TAFA1: variants seen among roughly 807,000 people sequenced by gnomAD.
TAFA1 encodes the protein TAFA chemokine like family member 1.
A neutral mutation model predicts 18.5 loss-of-function variants in TAFA1; 4 were observed. That is an observed-to-expected ratio of 0.22 (90% CI 0.11 to 0.49). TAFA1 has a LOEUF of 0.49. Among genes scored for constraint, TAFA1 ranks in the 20% least tolerant of loss-of-function variants. The probability of loss-of-function intolerance (pLI) is 0.98; values close to 1 mark genes in which losing one functional copy is unlikely to be tolerated. For missense variants in TAFA1, 147 were observed against 169.0 expected (o/e 0.87, Z 0.72); for synonymous variants, 56 against 55.2 (o/e 1.01, Z -0.06).
intron 2 of TAFA1, among the ~76,000 whole-genome samples, chr3:68,115,640 G>A (rs957162734): frequency 1.2e-4 from 18 of 152,244 alleles, no homozygotes; most frequent in African/African-American, 4.3e-4. Flanking sequence ...CTCCCTGAAC[G>A]GTCAGTCATG....
intron 2 of TAFA1, among the ~76,000 whole-genome samples, chr3:68,392,895 G>C (rs1490252284): frequency 6.6e-6 from 1 of 152,106 alleles, no homozygotes; most frequent in Non-Finnish European, 1.5e-5. Flanking sequence ...ATGTCCACAT[G>C]AGAAAGTGGG....
chr3:68,041,576 A>G (rs1161901019), intron 2 of TAFA1, among the ~76,000 whole-genome samples: 3 of 152,064 alleles, frequency 2.0e-5, no homozygotes, highest in Non-Finnish European at 4.4e-5. Flanking sequence ...TACTTTGCTC[A>G]TTTTTTCCAT....
chr3:68,047,712 A>G (rs925907749), intron 2 of TAFA1, among the ~76,000 whole-genome samples: 1 of 152,124 alleles, frequency 6.6e-6, no homozygotes, highest in Non-Finnish European at 1.5e-5. Flanking sequence ...GAGCACAACA[A>G]CCTGACCTGA....
intron 2 of TAFA1, among the ~76,000 whole-genome samples, chr3:68,100,499 G>T (rs2106816098): frequency 6.6e-6 from 1 of 152,076 alleles, no homozygotes; most frequent in East Asian, 1.9e-4. Flanking sequence ...CCACCAGATT[G>T]GTCTTTTGCT....
chr3:68,139,707 T>C (rs771215960), intron 2 of TAFA1, among the ~76,000 whole-genome samples: 11 of 152,206 alleles, frequency 7.2e-5, no homozygotes, highest in Non-Finnish European at 1.5e-4. Context: ...AGCTTTAGTT[T>C]TTGCATTTTG....
At chr3:68,437,661 G>A (rs1169236263) in intron 3 of TAFA1, among the ~76,000 whole-genome samples, 1 of 151,974 alleles carries the variant, frequency 6.6e-6, no homozygotes, top group African/African-American at 2.4e-5. Flanking sequence ...CATTCATTAA[G>A]AAATGAATTC....
At chr3:68,533,110 T>C (rs963350690) in intron 3 of TAFA1, among the ~76,000 whole-genome samples, 1 of 148,556 alleles carries the variant, frequency 6.7e-6, no homozygotes, top group Non-Finnish European at 1.5e-5. Context: ...AAGGAAGGTA[T>C]GTAGTAAGGT....
chr3:68,086,440 G>A (rs1410786279), intron 2 of TAFA1, among the ~76,000 whole-genome samples: 2 of 152,112 alleles, frequency 1.3e-5, no homozygotes, highest in Admixed American at 1.3e-4. Context: ...TATTTTGTAT[G>A]TCTCAATTGT....
At chr3:68,292,424 C>CA (rs567559598) in intron 2 of TAFA1, among the ~76,000 whole-genome samples, 59,659 of 141,022 alleles carry the variant, frequency 0.42, 12,812 homozygotes, top group African/African-American at 0.5. Context: ...AAAAAAAAAA[C>CA]AAAAAAAAAA....
At chr3:68,359,913 A>G (rs2069438999) in intron 2 of TAFA1, among the ~76,000 whole-genome samples, 1 of 152,014 alleles carries the variant, frequency 6.6e-6, no homozygotes, top group Admixed American at 6.6e-5. Flanking sequence ...AGACATATTG[A>G]ATAAAACATG....
intron 3 of TAFA1, among the ~76,000 whole-genome samples, chr3:68,435,592 C>T (rs1158139587): frequency 1.3e-5 from 2 of 152,110 alleles, no homozygotes; most frequent in Admixed American, 6.6e-5. Context: ...GAAACAGGTC[C>T]ATTCTGATTT....
chr3:68,186,082 C>A (rs1190537921), intron 2 of TAFA1, among the ~76,000 whole-genome samples: 6 of 152,020 alleles, frequency 3.9e-5, no homozygotes, highest in Non-Finnish European at 8.8e-5. Context: ...AGGCTTTCTC[C>A]TTGGAAAGAA....
intron 3 of TAFA1, among the ~76,000 whole-genome samples, chr3:68,432,826 G>T (rs1406400197): frequency 1.3e-5 from 2 of 151,990 alleles, no homozygotes; most frequent in Non-Finnish European, 2.9e-5. Flanking sequence ...GGAACTAGGA[G>T]TGTGCATTTC....
At chr3:68,096,366 C>A (rs538794264) in intron 2 of TAFA1, among the ~76,000 whole-genome samples, 1 of 152,034 alleles carries the variant, frequency 6.6e-6, no homozygotes, top group Non-Finnish European at 1.5e-5. Context: ...TCTTTGCCAT[C>A]CACATATTAA....
At chr3:68,486,102 G>A (rs62245845) in intron 3 of TAFA1, among the ~76,000 whole-genome samples, 6,251 of 120,314 alleles carry the variant, frequency 0.052, 199 homozygotes, top group African/African-American at 0.076. Flanking sequence ...ATTTTATTTT[G>A]TTTTATTTTA....
At chr3:68,490,648 T>G (rs1222847502) in intron 3 of TAFA1, among the ~76,000 whole-genome samples, 1 of 152,068 alleles carries the variant, frequency 6.6e-6, no homozygotes, top group African/African-American at 2.4e-5. Context: ...TCTTGCTAAT[T>G]TTTTTTGTTT....
upstream of TAFA1, among the ~76,000 whole-genome samples, chr3:68,002,352 T>G (rs75551794): frequency 0.026 from 3,980 of 152,340 alleles, 78 homozygotes; most frequent in East Asian, 0.1. Flanking sequence ...CTGAATGCCT[T>G]GAATGTAATC....
intron 2 of TAFA1, among the ~76,000 whole-genome samples, chr3:68,405,719 A>AGACT (rs2070591302): frequency 8.1e-6 from 1 of 123,334 alleles, no homozygotes; most frequent in Non-Finnish European, 1.7e-5. Context: ...AAAAAAAAAA[A>AGACT]AAAAAAAAAA....
intron 2 of TAFA1, among the ~76,000 whole-genome samples, chr3:68,059,438 A>G (rs1356012148): frequency 6.6e-6 from 1 of 152,192 alleles, no homozygotes; most frequent in Non-Finnish European, 1.5e-5. Flanking sequence ...AGAGATGGGA[A>G]TTGAGCTCAG....
Sources: allele counts gnomAD v4.1 joint callset (sites outside exome capture counted in the v4.1 genomes callset), GRCh38; gene constraint gnomAD v4.1.1; transcripts MANE v1.5; gene names NCBI Gene and HGNC (gene_info 2026-07-23, HGNC 2026-07-21).